The following VWA8 variants were observed in gnomAD, a reference collection of about 807,000 sequenced individuals.
The protein encoded by VWA8 is von Willebrand factor A domain-containing protein 8.
Under a neutral mutation model 241.5 loss-of-function variants are expected in VWA8, and 221 were observed. That is an observed-to-expected ratio of 0.91 (90% CI 0.82 to 1.02). The LOEUF is 1.02. VWA8 is among the 50% of genes least tolerant of loss of function. VWA8 has a pLI of 0.00. For synonymous variants in VWA8, 852 were observed against 827.1 expected (o/e 1.03, Z -0.52); for missense variants, 2,322 against 2,328.7 (o/e 1.00, Z 0.06).
intron 37 of VWA8, among the ~76,000 whole-genome samples, chr13:41,660,879 C>CTT (rs918525375): frequency 1.3e-4 from 19 of 141,042 alleles, no homozygotes; most frequent in African/African-American, 2.8e-4. Context: ...AATTGGGTTT[C>CTT]TTTTTTTTTT....
intron 14 of VWA8, among the ~76,000 whole-genome samples, chr13:41,827,494 T>C (rs1217404493): frequency 6.6e-6 from 1 of 152,080 alleles, no homozygotes; most frequent in Admixed American, 6.6e-5. Flanking sequence ...ATGTGGGAAA[T>C]GGGAGACTGT....
At position 41,691,387 on chromosome 13, in the gene VWA8, TG is replaced by T. The variant is rs1321937499; in HGVS notation, c.3798del (p.Ile1267SerfsTer9). The T allele has an allele frequency of 6.2e-7, 1 of 1,612,850 alleles. No homozygotes were observed. Among genetic ancestry groups the T allele is most frequent in the Admixed American group, 1.7e-5 (1 of 59,946 alleles). On this transcript the variant is annotated frameshift_variant, in exon 32 of 45. Transcript: ENST00000379310. LOFTEE classifies it high-confidence loss of function. ...ACAAGGAAAACTGTCTTGAGGTTGA[TG>T]GGAAGTGAGATGGTGTGAGTTCGCC... ...LEGRTHTISL[P>X]INLKTVFLVA...
At chr13:41,732,038 C>G (rs1300946063) in intron 22 of VWA8, 42 bp downstream of exon 22, 12 of 1,566,138 alleles carry the variant, frequency 7.7e-6, no homozygotes, top group Non-Finnish European at 1.1e-5. Context: ...AACTATGATA[C>G]AAAAATACAC....
At chr13:41,618,769 A>G (rs1382007799) in intron 37 of VWA8, among the ~76,000 whole-genome samples, 1 of 152,178 alleles carries the variant, frequency 6.6e-6, no homozygotes, top group African/African-American at 2.4e-5. Flanking sequence ...GGTTTGTCAA[A>G]GATCAGATGG....
chr13:41,857,009 A>G (rs573983867), intron 12 of VWA8, among the ~76,000 whole-genome samples: 22 of 152,280 alleles, frequency 1.4e-4, no homozygotes, highest in African/African-American at 4.8e-4. Flanking sequence ...CTGCTTCTTT[A>G]TATACTACTG....
intron 42 of VWA8, among the ~76,000 whole-genome samples, chr13:41,584,890 A>C (rs1047666451): frequency 2.0e-5 from 3 of 152,194 alleles, no homozygotes; most frequent in African/African-American, 7.2e-5. Context: ...ACGTGTGAAG[A>C]AGCAGCTCTG....
chr13:41,871,004 A>G (rs1471976545), intron 9 of VWA8, among the ~76,000 whole-genome samples: 1 of 152,174 alleles, frequency 6.6e-6, no homozygotes, highest in Non-Finnish European at 1.5e-5. Context: ...CATATTCTCT[A>G]TCTCCAACTC....
chr13:41,789,481 T>A (rs1031234784), intron 17 of VWA8, among the ~76,000 whole-genome samples: 4 of 152,040 alleles, frequency 2.6e-5, no homozygotes, highest in Admixed American at 6.6e-5. Flanking sequence ...CAAAAAAAAA[T>A]TGGAAAAGCT....
intron 37 of VWA8, among the ~76,000 whole-genome samples, chr13:41,615,868 C>G (rs776211356): frequency 4.1e-4 from 63 of 152,226 alleles, no homozygotes; most frequent in Non-Finnish European, 7.3e-4. Context: ...AGATACTACT[C>G]CACAATAAAT....
intron 43 of VWA8, among the ~76,000 whole-genome samples, chr13:41,575,006 C>T (rs1439830947): frequency 2.0e-5 from 3 of 152,126 alleles, no homozygotes; most frequent in African/African-American, 7.2e-5. Context: ...TGATATGGAA[C>T]CAACCTAAGT....
Position 41,729,685 on chromosome 13 carries a change from G to A in VWA8, c.2503-8C>T, listed in dbSNP as rs114248075. 1,882 of 1,599,814 alleles carry A rather than the reference G, an allele frequency of 1.2e-3. 18 individuals carry two copies. The African/African-American group carries it at 0.023, about 19-fold the overall frequency. On this transcript the variant is annotated splice_region_variant and splice_polypyrimidine_tract_variant and intron_variant, in intron 22 of 44. Coordinates refer to ENST00000379310, the MANE Select transcript of VWA8 (RefSeq NM_015058.2). Reference sequence around the variant, plus strand: ...CAACTTTACTGCTTTAACCTTTGACGACAGAAAATTTATCATAAACAATTA... The same window carrying A: ...CAACTTTACTGCTTTAACCTTTGACAACAGAAAATTTATCATAAACAATTA...
chr13:41,907,794 T>G (rs1875797025), intron 3 of VWA8, 98 bp from the exon 4 acceptor site: 1 of 1,014,080 alleles, frequency 9.9e-7, no homozygotes, highest in African/African-American at 1.6e-5. Context: ...CCATGAGAAG[T>G]GCATTGTTAA....
At chr13:41,851,012 T>C (rs1019224268) in intron 12 of VWA8, among the ~76,000 whole-genome samples, 2 of 152,208 alleles carry the variant, frequency 1.3e-5, no homozygotes, top group African/African-American at 4.8e-5. Flanking sequence ...TAGTTACATA[T>C]TTTTTGTGGT....
intron 26 of VWA8, chr13:41,719,298 A>G (rs988472932): frequency 1.2e-5 from 14 of 1,133,882 alleles, no homozygotes; most frequent in South Asian, 4.2e-5. Context: ...TATACGAAAT[A>G]GTAATACGCA....
chr13:41,897,683 C>T (rs1051358915), intron 4 of VWA8, among the ~76,000 whole-genome samples: 5 of 152,166 alleles, frequency 3.3e-5, no homozygotes, highest in African/African-American at 9.6e-5. Context: ...TTGTTCCTCC[C>T]GGTGGGCTCG....
chr13:41,714,136 G>T (rs1344504793), intron 26 of VWA8, among the ~76,000 whole-genome samples: 1 of 151,910 alleles, frequency 6.6e-6, no homozygotes, highest in African/African-American at 2.4e-5. Flanking sequence ...AAATAAATGG[G>T]ATGCCATTCT....
At chr13:41,772,993 G>A (rs906625914) in intron 20 of VWA8, among the ~76,000 whole-genome samples, 1 of 152,220 alleles carries the variant, frequency 6.6e-6, no homozygotes, top group Non-Finnish European at 1.5e-5. Context: ...AATTTCAAGT[G>A]TTGAAACATT....
In VWA8 at chr13:41,840,858, T is replaced by G. The variant is rs114713121; in HGVS notation, c.1426-7327A>C. On this transcript the variant is annotated intron_variant, in intron 12 of 44. Transcript: ENST00000379310. Reference sequence around the variant, plus strand: ...ATAATAAAATTGAGAAAAATTTGTTTCATGGGTCAGGTCATCCTATAGAGA... The same window carrying G: ...ATAATAAAATTGAGAAAAATTTGTTGCATGGGTCAGGTCATCCTATAGAGA... 6.4e-3 allele frequency among the ~76,000 whole-genome samples: 968 copies of G among 152,170 alleles called. 7 individuals carry two copies. The highest frequency in any genetic ancestry group is 0.022 in the African/African-American group (921 of 41,522).
At chr13:41,900,064 C>A (rs1875350756) in intron 4 of VWA8, among the ~76,000 whole-genome samples, 2 of 152,170 alleles carry the variant, frequency 1.3e-5, no homozygotes, top group Admixed American at 6.5e-5. Context: ...ATGGAATAAA[C>A]ATGCAACCAC....
Sources: gnomAD v4.1 joint callset for allele counts (sites outside exome capture counted in the v4.1 genomes callset) on GRCh38, gnomAD v4.1.1 for gene constraint, MANE v1.5 for transcripts, NCBI Gene and HGNC (gene_info 2026-07-23, HGNC 2026-07-21) for gene names.